The following RIN2 variants were observed in gnomAD, a reference collection of about 807,000 sequenced individuals.
RIN2 encodes Ras and Rab interactor 2.
RIN2 carries 36 observed loss-of-function variants against 78.0 expected under a neutral mutation model. The ratio of observed to expected loss-of-function variants is 0.46; its 90% CI spans 0.35 to 0.61. The LOEUF is 0.61. RIN2 is among the 20% of genes least tolerant of loss of function. The pLI, the probability that RIN2 is intolerant of heterozygous loss-of-function variation, is 0.00. For synonymous variants in RIN2, 466 were observed against 466.8 expected (o/e 1.00, Z 0.02); for missense variants, 1,087 against 1,159.7 (o/e 0.94, Z 0.91).
rs991148949 is a variant in RIN2 at position 19,956,657 on chromosome 20, C to T, written c.201C>T (p.Asp67=). The T allele has an allele frequency of 4.0e-5, 65 of 1,613,354 alleles. No individual in the cohort carries two copies. The highest frequency in any genetic ancestry group is 5.2e-5 in the Non-Finnish European group (61 of 1,179,734). ...ATGGTGGCTATTCCGAGGAAGAGGA[C>T]GTGAAGACCTGTGCCCGGGACTCAG... ...HKDGGYSEEE[D]VKTCARDSGY... is the part of the protein sequence containing the mutation. The change falls in exon 5 of 13, where the codon GAC becomes GAT. Residue 67 remains aspartate, a synonymous_variant. Coordinates refer to ENST00000255006, the MANE Select transcript of RIN2 (RefSeq NM_018993.4).
intron 3 of RIN2, among the ~76,000 whole-genome samples, chr20:19,912,525 C>A (rs1555789483): frequency 2.2e-5 from 3 of 134,254 alleles, no homozygotes; most frequent in Non-Finnish European, 4.6e-5. Flanking sequence ...ATCGCCCAGG[C>A]TGGAGTGCCA....
intron 7 of RIN2, 34 bp from the exon 8 acceptor site, chr20:19,970,804 A>C: frequency 6.7e-7 from 1 of 1,490,234 alleles, no homozygotes; most frequent in South Asian, 1.2e-5. Flanking sequence ...CAGACATGTA[A>C]TTACAAACAT....
chr20:19,861,462 C>T (rs955049923), intron 2 of RIN2, among the ~76,000 whole-genome samples: 1 of 152,152 alleles, frequency 6.6e-6, no homozygotes, highest in Non-Finnish European at 1.5e-5. Context: ...AACAAAGAAC[C>T]CTGCTAAGTA....
At chr20:19,791,479 G>T (rs1452307225) in intron 1 of RIN2, among the ~76,000 whole-genome samples, 2 of 152,176 alleles carry the variant, frequency 1.3e-5, no homozygotes, top group Non-Finnish European at 2.9e-5. Flanking sequence ...CCAAAGAGGA[G>T]ATGTGCCCCC....
In RIN2 at chr20:19,974,914, A is replaced by T. The variant is rs2042221595; in HGVS notation, c.889A>T (p.Asn297Tyr). 1 of 1,613,848 alleles carries T rather than the reference A, an allele frequency of 6.2e-7. No homozygotes were observed. Among genetic ancestry groups the T allele is most frequent in the East Asian group, 2.2e-5 (1 of 44,878 alleles). ...GAAACGGCCGAGCACAAGGACTCCC[A>T]ACGCGAATGGCACGGAGCGGACTCG... ...GLKRPSTRTP[N>Y]ANGTERTRSP... Residue 297 changes from asparagine (N) to tyrosine (Y), a missense_variant, in exon 9 of 13, where the codon AAC becomes TAC. Transcript: ENST00000255006.
At position 19,839,400 on chromosome 20, in the gene RIN2, G is replaced by A. The variant is rs1236621829; in HGVS notation, c.-37+39653G>A. Among the ~76,000 whole-genome samples the A allele has an allele frequency of 2.0e-5, 3 of 152,222 alleles. No individual in the cohort carries two copies. The East Asian group carries it at 5.8e-4, about 29-fold the overall frequency. On this transcript the variant is annotated intron_variant, in intron 2 of 12. Transcript: ENST00000255006. ...ATACCAGCCACAGTGTGGCGACTGA[G>A]CAGGACCTGCTGCCCACATTTTGCA...
chr20:19,801,162 TG>T (rs2035229325), intron 2 of RIN2, among the ~76,000 whole-genome samples: 1 of 152,224 alleles, frequency 6.6e-6, no homozygotes, highest in Non-Finnish European at 1.5e-5. Context: ...CTGACTTAAG[TG>T]TAGAGTTCTC....
chr20:19,786,432 G>C (rs1250072018), intron 1 of RIN2, among the ~76,000 whole-genome samples: 1 of 152,128 alleles, frequency 6.6e-6, no homozygotes, highest in Non-Finnish European at 1.5e-5. Flanking sequence ...GAAAGAGAGA[G>C]ATACCGTAGC....
chr20:19,964,032 T>G (rs139973691), intron 6 of RIN2, among the ~76,000 whole-genome samples: 220 of 151,990 alleles, frequency 1.4e-3, no homozygotes, highest in African/African-American at 5.0e-3. Flanking sequence ...TCCAGCTAAT[T>G]TTTGTATTTT....
intron 3 of RIN2, among the ~76,000 whole-genome samples, chr20:19,911,585 A>C (rs535210072): frequency 6.6e-6 from 1 of 152,268 alleles, no homozygotes; most frequent in African/African-American, 2.4e-5. Flanking sequence ...ACACTAATAT[A>C]ACACTCCTCT....
At chr20:19,790,635 A>T (rs1358351718) in intron 1 of RIN2, among the ~76,000 whole-genome samples, 1 of 152,154 alleles carries the variant, frequency 6.6e-6, no homozygotes, top group East Asian at 1.9e-4. Flanking sequence ...GCAGTAAAAA[A>T]ATTAATAAAA....
chr20:19,947,143 C>T (rs1407532505), intron 4 of RIN2, among the ~76,000 whole-genome samples: 1 of 151,998 alleles, frequency 6.6e-6, no homozygotes, highest in Non-Finnish European at 1.5e-5. Context: ...CATGGATTAC[C>T]TTGATGTATC....
At chr20:19,826,721 C>T (rs574843340) in intron 2 of RIN2, among the ~76,000 whole-genome samples, 22 of 152,206 alleles carry the variant, frequency 1.4e-4, no homozygotes, top group Admixed American at 3.9e-4. Flanking sequence ...AAACATCCTG[C>T]GCAGGACAGG....
At chr20:19,919,705 T>C (rs1311314955) in intron 3 of RIN2, among the ~76,000 whole-genome samples, 1 of 151,404 alleles carries the variant, frequency 6.6e-6, no homozygotes, top group Admixed American at 6.6e-5. Flanking sequence ...ACTTGGGAGG[T>C]TGAGGCAGAA....
intron 2 of RIN2, among the ~76,000 whole-genome samples, chr20:19,847,624 A>G (rs1273461834): frequency 6.6e-6 from 1 of 152,206 alleles, no homozygotes; most frequent in East Asian, 1.9e-4. Context: ...TGAGATGTGC[A>G]ATCAGTGTAA....
chr20:19,878,361 A>C (rs1265657612), intron 2 of RIN2, among the ~76,000 whole-genome samples: 4 of 152,048 alleles, frequency 2.6e-5, no homozygotes, highest in Non-Finnish European at 4.4e-5. Flanking sequence ...AAAGTGTGGG[A>C]GGGAATAAAG....
At chr20:19,904,412 G>T (rs532635472) in intron 3 of RIN2, among the ~76,000 whole-genome samples, 3 of 152,110 alleles carry the variant, frequency 2.0e-5, no homozygotes, top group South Asian at 4.2e-4. Context: ...CGGTGCTGGG[G>T]GAAGCAAATC....
chr20:19,767,738 A>T (rs1452414522), intron 1 of RIN2, among the ~76,000 whole-genome samples: 3 of 152,000 alleles, frequency 2.0e-5, no homozygotes, highest in Non-Finnish European at 2.9e-5. Context: ...CAGCCTGGCC[A>T]ACATGGCGAA....
In RIN2 at chr20:19,765,134, G is replaced by A. The variant is rs531862480; in HGVS notation, c.-163+6807G>A. On this transcript the variant is annotated intron_variant, in intron 1 of 12. Transcript: ENST00000255006. ...CAAAGTGCTGGGATTACAGGCGTGA[G>A]CCACCGTGCCAGGCCACTTTCTGCC... Among the ~76,000 whole-genome samples the A allele has an allele frequency of 7.3e-4, 111 of 152,056 alleles. 1 individual carries two copies. Among genetic ancestry groups the A allele is most frequent in the African/African-American group, 2.6e-3 (109 of 41,492 alleles).
Sources: gnomAD v4.1 joint callset for allele counts (sites outside exome capture counted in the v4.1 genomes callset) on GRCh38, gnomAD v4.1.1 for gene constraint, MANE v1.5 for transcripts, NCBI Gene and HGNC (gene_info 2026-07-23, HGNC 2026-07-21) for gene names.